HPCAL1: variants seen among roughly 807,000 people sequenced by gnomAD.
HPCAL1 encodes the protein hippocalcin-like protein 1.
HPCAL1 carries 8 observed loss-of-function variants against 17.1 expected under a neutral mutation model. The observed-to-expected ratio is 0.47, with a 90% confidence interval of 0.27 to 0.84. The LOEUF is 0.84. Ranked by LOEUF, HPCAL1 falls within the 40% of genes least tolerant of loss-of-function variation. The probability of loss-of-function intolerance (pLI) is 0.13; values close to 1 mark genes in which losing one functional copy is unlikely to be tolerated. For synonymous variants in HPCAL1, 112 were observed against 111.4 expected, an observed-to-expected ratio of 1.01 and a Z score of -0.03; for missense variants, 165 against 271.1, an observed-to-expected ratio of 0.61 and a Z score of 2.75.
At chr2:10,392,038 A>G (rs1280132097) in intron 1 of HPCAL1, among the ~76,000 whole-genome samples, 3 of 151,840 alleles carry the variant, frequency 2.0e-5, no homozygotes, top group Non-Finnish European at 4.4e-5. Context: ...ATGAGCCACT[A>G]TGCCAGGCTG....
At chr2:10,366,084 T>G (rs1335652221) in intron 1 of HPCAL1, among the ~76,000 whole-genome samples, 1 of 152,144 alleles carries the variant, frequency 6.6e-6, no homozygotes, top group Non-Finnish European at 1.5e-5. Context: ...GCCTCCCTCC[T>G]GGACCGCCCA....
intron 2 of HPCAL1, among the ~76,000 whole-genome samples, chr2:10,414,634 C>T (rs1423267021): frequency 1.3e-5 from 2 of 152,154 alleles, no homozygotes; most frequent in East Asian, 1.9e-4. Flanking sequence ...GGGGTTAGGA[C>T]TTTAACATGG....
intron 2 of HPCAL1, among the ~76,000 whole-genome samples, chr2:10,407,404 A>G (rs1390152675): frequency 3.3e-5 from 5 of 152,196 alleles, no homozygotes; most frequent in African/African-American, 1.2e-4. Context: ...CCACTCACTC[A>G]TTGCTTTGTT....
chr2:10,411,211 C>G (rs1347867176), intron 2 of HPCAL1, among the ~76,000 whole-genome samples: 1 of 152,160 alleles, frequency 6.6e-6, no homozygotes, highest in Non-Finnish European at 1.5e-5. Flanking sequence ...CCAGGAGCAC[C>G]CTGGGTGGCC....
At chr2:10,376,806 A>G (rs547894343) in intron 1 of HPCAL1, among the ~76,000 whole-genome samples, 1 of 152,176 alleles carries the variant, frequency 6.6e-6, no homozygotes, top group East Asian at 1.9e-4. Flanking sequence ...ATTTTTACAT[A>G]CTGTATTGTA....
intron 3 of HPCAL1, among the ~76,000 whole-genome samples, 173 bp downstream of exon 3, chr2:10,420,308 C>T (rs1364432192): frequency 1.3e-5 from 2 of 149,450 alleles, no homozygotes; most frequent in Non-Finnish European, 3.0e-5. Context: ...CTCCTGGGCT[C>T]AGGTGATTTT....
rs1438939952 is a variant in HPCAL1 at position 10,343,943 on chromosome 2, A to C, written c.-111+40766A>C. ...GCCTCCATGCCTCCTGGGAGGCTGC[A>C]CCTCTTGGGATATAGAGAACGCTGG... On this transcript the variant is annotated intron_variant, in intron 1 of 4. Coordinates refer to ENST00000307845, the MANE Select transcript of HPCAL1 (RefSeq NM_002149.4). This position sits in a 1 kb window ranked among gnomAD's most constrained non-coding sequence, Gnocchi z 4.8. Among the ~76,000 whole-genome samples, 1 of 152,080 alleles carries C rather than the reference A, an allele frequency of 6.6e-6. No homozygotes were observed. Among genetic ancestry groups the C allele is most frequent in the Non-Finnish European group, 1.5e-5 (1 of 68,024 alleles).
chr2:10,351,633 C>T (rs1463028347), intron 1 of HPCAL1, among the ~76,000 whole-genome samples: 2 of 151,838 alleles, frequency 1.3e-5, no homozygotes, highest in African/African-American at 4.8e-5. Flanking sequence ...GTGGTGTGTG[C>T]CTGTGGTCCC....
chr2:10,342,219 G>C lies in HPCAL1; in HGVS notation c.-111+39042G>C, dbSNP rs1344309397. ...CTTTGCTCCCCGTTTCATTTAGATG[G>C]AGCGTTTGTGGGATTTAAGACAGAT... On this transcript the variant is annotated intron_variant, in intron 1 of 4. Transcript: ENST00000307845. This position sits in a 1 kb window ranked among gnomAD's most constrained non-coding sequence, Gnocchi z 4.1. Among the ~76,000 whole-genome samples the C allele has an allele frequency of 6.6e-6, 1 of 152,096 alleles. No individual in the cohort carries two copies. The highest frequency in any genetic ancestry group is 6.5e-5 in the Admixed American group (1 of 15,272).
intron 4 of HPCAL1, 57 bp downstream of exon 4, chr2:10,423,145 G>A: frequency 7.7e-7 from 1 of 1,304,084 alleles, no homozygotes; most frequent in Non-Finnish European, 1.1e-6. Context: ...GCAAAACCAT[G>A]TGGTTTGGGG....
rs574579149 is a variant in HPCAL1, at chr2:10,331,055, G to A, written c.-111+27878G>A. 2.6e-5 allele frequency among the ~76,000 whole-genome samples: 4 copies of A among 152,224 alleles called. No individual in the cohort carries two copies. Among genetic ancestry groups the A allele is most frequent in the South Asian group, 4.1e-4 (2 of 4,826 alleles). ...TGGCTTCTTCCTCATCCCGCCTCTC[G>A]CTCCATCTCGTGGCCTCCCATCTGC... is the stretch of plus-strand genomic sequence containing the variant. On this transcript the variant is annotated intron_variant, in intron 1 of 4. Transcript: ENST00000307845. The surrounding 1 kb of genome is among the most constrained non-coding windows in gnomAD (Gnocchi z 5.0).
In HPCAL1 at chr2:10,344,372, G is replaced by A. The variant is rs556876267; in HGVS notation, c.-111+41195G>A. On this transcript the variant is annotated intron_variant, in intron 1 of 4. Coordinates refer to ENST00000307845, the MANE Select transcript of HPCAL1 (RefSeq NM_002149.4). The surrounding 1 kb of genome is among the most constrained non-coding windows in gnomAD (Gnocchi z 4.9). Reference sequence around the variant, plus strand: ...CCAGCAAGGGGGGCCCCGAAGTGCCGCTAGGTGCCTCACGATTAGCATAAG... The same window carrying A: ...CCAGCAAGGGGGGCCCCGAAGTGCCACTAGGTGCCTCACGATTAGCATAAG... Among the ~76,000 whole-genome samples the A allele has an allele frequency of 1.3e-5, 2 of 152,190 alleles. No homozygotes were observed. The highest frequency in any genetic ancestry group is 2.4e-5 in the African/African-American group (1 of 41,444).
intron 1 of HPCAL1, among the ~76,000 whole-genome samples, chr2:10,358,600 C>T (rs560753466): frequency 7.2e-5 from 11 of 152,300 alleles, no homozygotes; most frequent in East Asian, 1.9e-4. Context: ...AGAAGACACA[C>T]GTGGCTGGAT....
At chr2:10,320,091 G>A (rs900166339) in intron 1 of HPCAL1, among the ~76,000 whole-genome samples, 1 of 152,130 alleles carries the variant, frequency 6.6e-6, no homozygotes, top group African/African-American at 2.4e-5. Context: ...CCTCCAAGAA[G>A]CCTCCTGGGC....
chr2:10,419,604 G>A lies in HPCAL1; in HGVS notation c.-24-130G>A, dbSNP rs189898603. On this transcript the variant is annotated intron_variant, in intron 2 of 4. Transcript: ENST00000307845. This position sits in a 1 kb window ranked among gnomAD's most constrained non-coding sequence, Gnocchi z 5.0. Reference sequence around the variant, plus strand: ...TCCATAAGATAGCGGCATGCCTTCCGATGGGGGACCCGGGAGTTGCTGAGT... The same window carrying A: ...TCCATAAGATAGCGGCATGCCTTCCAATGGGGGACCCGGGAGTTGCTGAGT... The A allele has an allele frequency of 6.0e-4, 493 of 818,350 alleles. No individual in the cohort carries two copies. Among genetic ancestry groups the A allele is most frequent in the African/African-American group, 5.1e-3 (299 of 58,060 alleles). The allele number at this position is 818,350 out of a possible 1,614,324, so 50.7% of individuals were successfully genotyped here.
chr2:10,370,541 T>A (rs1667138538), intron 1 of HPCAL1, among the ~76,000 whole-genome samples: 1 of 152,154 alleles, frequency 6.6e-6, no homozygotes. Flanking sequence ...CTTTGTCTGG[T>A]CCCCAGAGCG....
At position 10,398,948 on chromosome 2, in the gene HPCAL1, G is replaced by A. The variant is rs549728256; in HGVS notation, c.-25+2028G>A. Among the ~76,000 whole-genome samples the A allele has an allele frequency of 2.0e-5, 3 of 152,126 alleles. No individual in the cohort carries two copies. The South Asian group carries it at 6.2e-4, about 31-fold the overall frequency. On this transcript the variant is annotated intron_variant, in intron 2 of 4. Transcript: ENST00000307845. Reference sequence around the variant, plus strand: ...CATTCTCCATCCACCAGCCTTACTGGAGCTAGAGAGTGGGGGAACATCTGG... The same window carrying A: ...CATTCTCCATCCACCAGCCTTACTGAAGCTAGAGAGTGGGGGAACATCTGG...
chr2:10,315,137 A>G (rs1663232483), intron 1 of HPCAL1, among the ~76,000 whole-genome samples: 2 of 151,942 alleles, frequency 1.3e-5, no homozygotes, highest in African/African-American at 2.4e-5. Context: ...TAAAAATACA[A>G]AAAAAATTAG....
rs1275531163 is a variant in HPCAL1 at position 10,312,305 on chromosome 2, CATCATCATCATCATCAT to C, written c.-111+9146_-111+9162del. Among the ~76,000 whole-genome samples the C allele has an allele frequency of 3.0e-4, 4 of 13,158 alleles. No individual in the cohort carries two copies. The East Asian group carries it at 0.025, about 82-fold the overall frequency. The allele number at this position is 13,158 out of a possible 152,430, so 8.6% of individuals were successfully genotyped here. Reference sequence around the variant, plus strand: ...TGTCATCATCACCTTTCTCCATCACCATCATCATCATCATCATATCATCATCATCATCATCATATCAT... The same window carrying C: ...TGTCATCATCACCTTTCTCCATCACCATCATCATCATCATCATCATATCAT... On this transcript the variant is annotated intron_variant, in intron 1 of 4. Coordinates refer to ENST00000307845, the MANE Select transcript of HPCAL1 (RefSeq NM_002149.4).
Sources: gnomAD v4.1 joint callset for allele counts (sites outside exome capture counted in the v4.1 genomes callset) on GRCh38, gnomAD v4.1.1 for gene constraint, Gnocchi (gnomAD v3.1) non-coding constraint, MANE v1.5 for transcripts, NCBI Gene and HGNC (gene_info 2026-07-23, HGNC 2026-07-21) for gene names.